ACSL1: variants seen among roughly 807,000 people sequenced by gnomAD.
ACSL1 encodes the protein acyl-CoA synthetase long chain family member 1.
Under a neutral mutation model 98.4 loss-of-function variants are expected in ACSL1, and 41 were observed. The observed-to-expected ratio is 0.42, with a 90% confidence interval of 0.32 to 0.54. The LOEUF (loss-of-function observed/expected upper bound fraction) is 0.54, where lower values mean the gene tolerates loss of function less well. Among genes scored for constraint, ACSL1 ranks in the 20% least tolerant of loss-of-function variants. The probability of loss-of-function intolerance (pLI) is 0.13; values close to 1 mark genes in which losing one functional copy is unlikely to be tolerated. For missense variants in ACSL1, 734 were observed against 883.1 expected (o/e 0.83, Z 2.14); for synonymous variants, 316 against 322.7 (o/e 0.98, Z 0.22).
intron 7 of ACSL1, among the ~76,000 whole-genome samples, chr4:184,774,378 A>G (rs1324717185): frequency 1.3e-5 from 2 of 152,210 alleles, no homozygotes; most frequent in Admixed American, 6.5e-5. Flanking sequence ...AATGCTAGGC[A>G]TTTTGGAGAG....
At chr4:184,812,400 C>T (rs1445182987) in intron 1 of ACSL1, 1 of 236,462 alleles carries the variant, frequency 4.2e-6, no homozygotes, top group African/African-American at 2.3e-5. Flanking sequence ...CAGTGATTCT[C>T]CAAAAAGAAA....
At chr4:184,819,468 C>A (rs987811715) in intron 1 of ACSL1, among the ~76,000 whole-genome samples, 2 of 152,020 alleles carry the variant, frequency 1.3e-5, no homozygotes, top group Non-Finnish European at 2.9e-5. Flanking sequence ...CAAACTTTAT[C>A]CCAGCAAAAG....
intron 2 of ACSL1, among the ~76,000 whole-genome samples, chr4:184,800,961 G>T (rs1017238090): frequency 1.3e-5 from 2 of 152,092 alleles, no homozygotes; most frequent in Admixed American, 6.5e-5. Flanking sequence ...CAAATGATTC[G>T]TCCACTTCAG....
intron 3 of ACSL1, among the ~76,000 whole-genome samples, chr4:184,785,774 G>C (rs1767184554): frequency 6.6e-6 from 1 of 152,166 alleles, no homozygotes; most frequent in Non-Finnish European, 1.5e-5. Context: ...TATGTGACTT[G>C]TCTTCAGATC....
chr4:184,773,889 GAAAA>G lies in ACSL1; in HGVS notation c.757-18_757-15del. On this transcript the variant is annotated splice_polypyrimidine_tract_variant and intron_variant, in intron 7 of 20. Coordinates refer to ENST00000281455, the MANE Select transcript of ACSL1 (RefSeq NM_001995.5). This position sits in a 1 kb window ranked among gnomAD's most constrained non-coding sequence, Gnocchi z 4.3. ...TCTTCCCAGGTCCTTAATTAGAAGA[GAAAA>G]AAAGTCTTAAATGGAAACGTTTTCT... 6.2e-7 allele frequency: 1 copy of G among 1,613,654 alleles called. No homozygotes were observed. The highest frequency in any genetic ancestry group is 8.5e-7 in the Non-Finnish European group (1 of 1,179,764).
At chr4:184,786,692 C>CTTTTT (rs34391801) in intron 3 of ACSL1, among the ~76,000 whole-genome samples, 7 of 123,838 alleles carry the variant, frequency 5.7e-5, no homozygotes, top group Non-Finnish European at 1.0e-4. Context: ...TAGGCACTTT[C>CTTTTT]TTTTTTTTTT....
intron 17 of ACSL1, 34 bp from the exon 18 acceptor site, chr4:184,760,534 C>T (rs898861867): frequency 5.6e-6 from 9 of 1,611,472 alleles, no homozygotes; most frequent in Admixed American, 3.3e-5. Context: ...TATGAATGGG[C>T]TGATGGCTGG....
intron 2 of ACSL1, among the ~76,000 whole-genome samples, chr4:184,789,544 T>G (rs924991151): frequency 1.1e-4 from 17 of 152,246 alleles, no homozygotes; most frequent in Non-Finnish European, 2.4e-4. Flanking sequence ...CTACAAAACA[T>G]ATGCATGTGC....
intron 4 of ACSL1, among the ~76,000 whole-genome samples, chr4:184,783,027 CAGG>C (rs1466485306): frequency 1.3e-5 from 2 of 152,228 alleles, no homozygotes; most frequent in African/African-American, 4.8e-5. Context: ...GCCCCGAGAG[CAGG>C]AGAAGGGGGG....
chr4:184,784,357 CA>C (rs774798740), intron 3 of ACSL1, among the ~76,000 whole-genome samples: 26 of 152,128 alleles, frequency 1.7e-4, no homozygotes, highest in East Asian at 7.7e-4. Flanking sequence ...GATACCTTTT[CA>C]GAAGAGGTAT....
At chr4:184,780,659 A>C (rs7656414) in intron 4 of ACSL1, among the ~76,000 whole-genome samples, 152,048 of 152,346 alleles carry the variant, frequency 1, 75,876 homozygotes, top group Middle Eastern at 1. Context: ...TTCTGCAAAG[A>C]AAATTAATCT....
chr4:184,763,409 T>C (rs1763135225), intron 15 of ACSL1, among the ~76,000 whole-genome samples, 154 bp from the exon 16 acceptor site: 1 of 152,182 alleles, frequency 6.6e-6, no homozygotes, highest in African/African-American at 2.4e-5. Context: ...CTAGTATAAT[T>C]TAAGAGAGTC....
rs894937222 is a variant in ACSL1, at chr4:184,757,998, G to A, written c.1783-78C>T. 3.6e-6 allele frequency: 5 copies of A among 1,376,036 alleles called. No individual in the cohort carries two copies. Among genetic ancestry groups the A allele is most frequent in the Non-Finnish European group, 5.1e-6 (5 of 974,904 alleles). The allele number at this position is 1,376,036 out of a possible 1,614,324, so 85.2% of individuals were successfully genotyped here. ...TAGTGGTTCTTTATTTTTCCATCTT[G>A]TGGCCCCCTGGGAGAATATGATGAA... is the stretch of plus-strand genomic sequence containing the variant. On this transcript the variant is annotated intron_variant, in intron 18 of 20. Transcript: ENST00000281455. The surrounding 1 kb of genome is among the most constrained non-coding windows in gnomAD (Gnocchi z 4.5).
intron 4 of ACSL1, among the ~76,000 whole-genome samples, chr4:184,781,433 C>A (rs1428740457): frequency 1.3e-5 from 2 of 151,772 alleles, no homozygotes. Flanking sequence ...CAATGATAAG[C>A]AACACATGTA....
At position 184,810,902 on chromosome 4, in the gene ACSL1, GC is replaced by G. The variant is rs754635521; in HGVS notation, c.-32-7357del. 1.9e-4 allele frequency among the ~76,000 whole-genome samples: 29 copies of G among 152,240 alleles called. No individual in the cohort carries two copies. In the East Asian group the frequency reaches 5.4e-3, roughly 28 times the overall value. On this transcript the variant is annotated intron_variant, in intron 1 of 20. Coordinates refer to ENST00000281455, the MANE Select transcript of ACSL1 (RefSeq NM_001995.5). ...GTCCTTACTGCACGGGGTTGTTACT[GC>G]CTTCAGCTCAAAGATCAGGAAACTG...
chr4:184,773,991 G>A lies in ACSL1; in HGVS notation c.757-116C>T, dbSNP rs561555553. Reference sequence around the variant, plus strand: ...TGTGGGGTTCATTCACACCTGGCTCGAAAACAGCATAATTTTCTAATTAAA... The same window carrying A: ...TGTGGGGTTCATTCACACCTGGCTCAAAAACAGCATAATTTTCTAATTAAA... On this transcript the variant is annotated intron_variant, in intron 7 of 20. Coordinates refer to ENST00000281455, the MANE Select transcript of ACSL1 (RefSeq NM_001995.5). The surrounding 1 kb of genome is among the most constrained non-coding windows in gnomAD (Gnocchi z 4.3). The A allele has an allele frequency of 5.7e-4, 602 of 1,058,146 alleles. No homozygotes were observed. Among genetic ancestry groups the A allele is most frequent in the Non-Finnish European group, 7.8e-4 (553 of 711,772 alleles). 65.5% of individuals were successfully genotyped at this position (1,058,146 alleles called of 1,614,324 possible).
intron 1 of ACSL1, chr4:184,815,122 T>C: frequency 2.2e-6 from 1 of 455,968 alleles, no homozygotes; most frequent in Non-Finnish European, 4.4e-6. Context: ...GCTCCAGGAA[T>C]CTAGGGGAGG....
At chr4:184,762,100 C>G (rs1332643902) in intron 17 of ACSL1, among the ~76,000 whole-genome samples, 1 of 151,088 alleles carries the variant, frequency 6.6e-6, no homozygotes, top group African/African-American at 2.4e-5. Context: ...GCACTCCAGC[C>G]AGCCTGGGTG....
At chr4:184,792,832 G>T (rs1768634548) in intron 2 of ACSL1, among the ~76,000 whole-genome samples, 1 of 152,222 alleles carries the variant, frequency 6.6e-6, no homozygotes, top group Admixed American at 6.5e-5. Context: ...TGCAAGCTGA[G>T]TGCTGGGAAG....
Sources: allele counts gnomAD v4.1 joint callset (sites outside exome capture counted in the v4.1 genomes callset), GRCh38; gene constraint gnomAD v4.1.1; non-coding constraint Gnocchi (gnomAD v3.1); transcripts MANE v1.5; gene names NCBI Gene and HGNC (gene_info 2026-07-23, HGNC 2026-07-21).